The following HS6ST2 variants were observed in gnomAD, a reference collection of about 807,000 sequenced individuals.
HS6ST2 encodes heparan sulfate 6-O-sulfotransferase 2, also known as heparan-sulfate 6-O-sulfotransferase 2.
HS6ST2 carries 17 observed loss-of-function variants against 33.0 expected under a neutral mutation model. That is an observed-to-expected ratio of 0.52 (90% confidence interval 0.35 to 0.77). The LOEUF is 0.77. Ranked by LOEUF, HS6ST2 falls within the 30% of genes least tolerant of loss-of-function variation. HS6ST2 has a pLI of 0.01. For missense variants in HS6ST2, 519 were observed against 551.7 expected, an observed-to-expected ratio of 0.94 and a Z score of 0.59; for synonymous variants, 248 against 237.1, an observed-to-expected ratio of 1.05 and a Z score of -0.42.
chrX:132,956,030 G>T (rs948490800), intron 2 of HS6ST2, among the ~76,000 whole-genome samples: 1 of 111,526 alleles, frequency 9.0e-6, no homozygotes, highest in Non-Finnish European at 1.9e-5. Flanking sequence ...GGTGCCCCCC[G>T]CCACTCCCAA....
At chrX:132,879,599 G>A (rs2066145107) in intron 2 of HS6ST2, among the ~76,000 whole-genome samples, 2 of 112,084 alleles carry the variant, frequency 1.8e-5, no homozygotes, top group Non-Finnish European at 3.8e-5. Flanking sequence ...AGGAGGCTTA[G>A]CCAGGCTGTT....
chrX:132,844,584 C>G (rs973519447), intron 2 of HS6ST2, among the ~76,000 whole-genome samples: 1 of 111,171 alleles, frequency 9.0e-6, no homozygotes, highest in East Asian at 2.8e-4. Flanking sequence ...CAGCCATCAG[C>G]AGAATGAGCT....
rs192167266 is a variant in HS6ST2, at chrX:132,928,291, T to C, written c.947+28517A>G. ...CATGCTTGGCTAATTTTTGTAGTTT[T>C]AGTAGAGATGGAGTTTCACCATGTT... On this transcript the variant is annotated intron_variant, in intron 2 of 4. Coordinates refer to ENST00000370833, the MANE Select transcript of HS6ST2 (RefSeq NM_001394073.1). Among the ~76,000 whole-genome samples, 5 of 110,279 alleles carry C rather than the reference T, an allele frequency of 4.5e-5. No homozygotes were observed. The East Asian group carries it at 1.4e-3, about 32-fold the overall frequency.
chrX:132,932,200 A>AG (rs1344417396), intron 2 of HS6ST2, among the ~76,000 whole-genome samples: 1 of 109,022 alleles, frequency 9.2e-6, no homozygotes, highest in East Asian at 2.9e-4. Flanking sequence ...AAAAAAAAAA[A>AG]ATACCCCAGC....
At chrX:132,832,562 T>C (rs1460604668) in intron 2 of HS6ST2, among the ~76,000 whole-genome samples, 2 of 112,275 alleles carry the variant, frequency 1.8e-5, no homozygotes, top group Non-Finnish European at 3.8e-5. Flanking sequence ...TTCAATTCCA[T>C]GAGCTAAAAA....
intron 1 of HS6ST2, among the ~76,000 whole-genome samples, chrX:132,957,965 C>G (rs55713380): frequency 8.9e-6 from 1 of 112,043 alleles, no homozygotes; most frequent in Non-Finnish European, 1.9e-5. Context: ...CTATCGGAGA[C>G]GCTGCGCTGC....
At chrX:132,642,602 T>A (rs2063608947) in intron 4 of HS6ST2, among the ~76,000 whole-genome samples, 1 of 111,925 alleles carries the variant, frequency 8.9e-6, no homozygotes, top group South Asian at 3.7e-4. Flanking sequence ...CTGAATAACA[T>A]GGCTGGGCTA....
chrX:132,957,432 C>G (rs1471019808), intron 1 of HS6ST2, 106 bp from the exon 2 acceptor site: 11 of 889,551 alleles, frequency 1.2e-5, no homozygotes, highest in Middle Eastern at 4.3e-4. Context: ...CCCCTCTCCC[C>G]CTCCCCTCCG....
chrX:132,706,070 C>CAA (rs1282237256), intron 3 of HS6ST2, among the ~76,000 whole-genome samples: 1 of 92,553 alleles, frequency 1.1e-5, no homozygotes, highest in African/African-American at 3.9e-5. Context: ...TTGAAAGGTA[C>CAA]AAAAAAAAAA....
At chrX:132,865,285 T>C (rs867654585) in intron 2 of HS6ST2, among the ~76,000 whole-genome samples, 84 of 110,665 alleles carry the variant, frequency 7.6e-4, no homozygotes, top group African/African-American at 2.6e-3. Flanking sequence ...ATTTCATCCA[T>C]GTCCCTACAA....
intron 2 of HS6ST2, among the ~76,000 whole-genome samples, chrX:132,866,032 T>A (rs1237073200): frequency 9.0e-6 from 1 of 111,601 alleles, no homozygotes; most frequent in Non-Finnish European, 1.9e-5. Flanking sequence ...GCTTTTGGTG[T>A]TTTAGACATG....
intron 2 of HS6ST2, among the ~76,000 whole-genome samples, chrX:132,742,863 TA>T (rs2064594040): frequency 1.8e-5 from 2 of 112,034 alleles, no homozygotes; most frequent in Non-Finnish European, 3.8e-5. Context: ...GGGTAAGCCT[TA>T]TAGAGTCCTG....
intron 2 of HS6ST2, among the ~76,000 whole-genome samples, chrX:132,787,904 A>T: frequency 9.1e-6 from 1 of 109,298 alleles, no homozygotes; most frequent in Non-Finnish European, 1.9e-5. Flanking sequence ...AAAAAAAAAG[A>T]GGTATTTTTG....
intron 2 of HS6ST2, among the ~76,000 whole-genome samples, chrX:132,872,129 C>A (rs2066066820): frequency 9.0e-6 from 1 of 111,282 alleles, no homozygotes; most frequent in South Asian, 3.9e-4. Context: ...ACGAAACCTG[C>A]ATCTACTGGG....
chrX:132,858,940 C>T (rs1165105968), intron 2 of HS6ST2, among the ~76,000 whole-genome samples: 5 of 112,344 alleles, frequency 4.5e-5, no homozygotes, highest in East Asian at 2.8e-4. Flanking sequence ...GAGCAAAGCA[C>T]GGGCTGCATT....
Position 132,665,136 on chromosome X carries a change from C to T in HS6ST2, c.1067+3977G>A, listed in dbSNP as rs765380118. Among the ~76,000 whole-genome samples the T allele has an allele frequency of 5.4e-5, 6 of 112,020 alleles. No homozygotes were observed. The South Asian group carries it at 2.3e-3, about 43-fold the overall frequency. On this transcript the variant is annotated intron_variant, in intron 4 of 4. Transcript: ENST00000370833. ...ATGCTTTTTCCTTTCATCACCGCTA[C>T]TGCTACATTTTTTTAAAAGTAGGAT...
chrX:132,710,698 G>A (rs1003686809), intron 2 of HS6ST2, among the ~76,000 whole-genome samples: 3 of 111,805 alleles, frequency 2.7e-5, no homozygotes, highest in Admixed American at 1.9e-4. Context: ...TGGAAGGGAC[G>A]TTACAAATTC....
chrX:132,894,792 T>C (rs1282621855), intron 2 of HS6ST2, among the ~76,000 whole-genome samples: 1 of 111,714 alleles, frequency 9.0e-6, no homozygotes, highest in Non-Finnish European at 1.9e-5. Flanking sequence ...AGCCTCGGCC[T>C]CCCAAAATGC....
intron 2 of HS6ST2, among the ~76,000 whole-genome samples, chrX:132,811,710 A>ATATATG (rs1359597410): frequency 1.1e-5 from 1 of 89,201 alleles, no homozygotes; most frequent in Non-Finnish European, 2.2e-5. Flanking sequence ...ATATATATAT[A>ATATATG]TATATATATA....
Sources: allele counts gnomAD v4.1 joint callset (sites outside exome capture counted in the v4.1 genomes callset), GRCh38; gene constraint gnomAD v4.1.1; transcripts MANE v1.5; gene names NCBI Gene and HGNC (gene_info 2026-07-23, HGNC 2026-07-21).